The following GLYR1 variants were observed in gnomAD, a reference collection of about 807,000 sequenced individuals.
GLYR1 encodes the protein glyoxylate reductase 1 homolog.
In GLYR1, 21 loss-of-function variants were observed where a neutral mutation model predicts 72.7. The observed-to-expected ratio is 0.29, with a 90% CI of 0.20 to 0.42. GLYR1 has a LOEUF of 0.42. Ranked by LOEUF, GLYR1 falls within the 10% of genes least tolerant of loss-of-function variation. The pLI, the probability that GLYR1 is intolerant of heterozygous loss-of-function variation, is 1.00. For missense variants in GLYR1, 594 were observed against 712.1 expected (o/e 0.83, Z 1.89); for synonymous variants, 392 against 270.2 (o/e 1.45, Z -4.42).
At chr16:4,808,033 C>T (rs928250897) in intron 15 of GLYR1, among the ~76,000 whole-genome samples, 9 of 151,656 alleles carry the variant, frequency 5.9e-5, no homozygotes, top group South Asian at 2.1e-4. Flanking sequence ...GCCAGGAGTT[C>T]GAGTCCAGCC....
chr16:4,806,125 G>C (rs1336715596), intron 15 of GLYR1, among the ~76,000 whole-genome samples: 10 of 152,216 alleles, frequency 6.6e-5, no homozygotes, highest in Admixed American at 3.9e-4. Context: ...GGGGACATCT[G>C]GTAATATCTG....
At position 4,840,559 on chromosome 16, in the gene GLYR1, T is replaced by C. The variant is rs151036089; in HGVS notation, c.155+4515A>G. ...CACACACACACACACTCTCTCTCTC[T>C]CCCATAGGGAGAGTCTCCATCTCTC... On this transcript the variant is annotated intron_variant, in intron 3 of 15. Coordinates refer to ENST00000321919, the MANE Select transcript of GLYR1 (RefSeq NM_032569.4). 3.6e-3 allele frequency among the ~76,000 whole-genome samples: 546 copies of C among 152,124 alleles called. 2 individuals carry two copies. Among genetic ancestry groups the C allele is most frequent in the Non-Finnish European group, 5.0e-3 (337 of 67,984 alleles).
chr16:4,810,699 TAAAAAAAAAAAAAAAAA>T (rs551202037), intron 15 of GLYR1, among the ~76,000 whole-genome samples: 3 of 21,820 alleles, frequency 1.4e-4, no homozygotes, highest in African/African-American at 5.1e-4. Context: ...CTGTCTCTAC[TAAAAAAAAAAAAAAAAA>T]AAAAAAAAAA....
intron 1 of GLYR1, 74 bp from the exon 2 acceptor site, chr16:4,846,284 A>G: frequency 1.3e-6 from 2 of 1,499,832 alleles, no homozygotes; most frequent in South Asian, 1.1e-5. Context: ...TCAATACGCA[A>G]TTTATTTTCC....
chr16:4,827,165 G>A (rs1391679171), intron 5 of GLYR1, among the ~76,000 whole-genome samples: 2 of 152,254 alleles, frequency 1.3e-5, no homozygotes, highest in Admixed American at 1.3e-4. Context: ...TCACGGGGCA[G>A]GAGATTATGT....
intron 3 of GLYR1, chr16:4,840,465 A>G (rs2085465382): frequency 6.6e-6 from 1 of 152,170 alleles, no homozygotes; most frequent in Non-Finnish European, 1.5e-5. Flanking sequence ...CCTTTTTGGT[A>G]AAAAGAGCAA....
At chr16:4,816,310 C>T (rs2083639364) in intron 10 of GLYR1, among the ~76,000 whole-genome samples, 1 of 151,936 alleles carries the variant, frequency 6.6e-6, no homozygotes. Flanking sequence ...CCTCACTCAG[C>T]TAATATTTTA....
intron 5 of GLYR1, 83 bp downstream of exon 5, chr16:4,831,896 T>C (rs1440647678): frequency 1.3e-6 from 2 of 1,524,586 alleles, no homozygotes; most frequent in Admixed American, 4.2e-5. Flanking sequence ...ATAAGCATAC[T>C]ACATAAGCAT....
At chr16:4,811,471 C>A in intron 14 of GLYR1, 152 bp downstream of exon 14, 1 of 1,241,846 alleles carries the variant, frequency 8.1e-7, no homozygotes, top group Non-Finnish European at 1.1e-6. Flanking sequence ...AGCCTATATC[C>A]CCAAATCCCG....
At position 4,822,872 on chromosome 16, in the gene GLYR1, C is replaced by A; in HGVS notation, c.681+3G>T. On this transcript the variant is annotated splice_donor_region_variant and intron_variant, in intron 7 of 15. Transcript: ENST00000321919. Reference sequence around the variant, plus strand: ...AGGGCCAAGAGCCTCAAAGGCAACTCACCTTCTCTGTTTGGCTTAGCAGGA... The same window carrying A: ...AGGGCCAAGAGCCTCAAAGGCAACTAACCTTCTCTGTTTGGCTTAGCAGGA... 2.5e-6 allele frequency: 4 copies of A among 1,613,910 alleles called. No individual in the cohort carries two copies. Among genetic ancestry groups the A allele is most frequent in the Non-Finnish European group, 3.4e-6 (4 of 1,179,746 alleles).
chr16:4,830,164 C>T (rs1046735153), intron 5 of GLYR1, among the ~76,000 whole-genome samples: 4 of 151,184 alleles, frequency 2.6e-5, no homozygotes, highest in African/African-American at 9.7e-5. Flanking sequence ...CTGCTCACCT[C>T]AGCCTCCGAA....
intron 5 of GLYR1, among the ~76,000 whole-genome samples, chr16:4,829,834 G>A (rs1011918703): frequency 6.6e-6 from 1 of 151,984 alleles, no homozygotes; most frequent in Non-Finnish European, 1.5e-5. Flanking sequence ...CACCACACTC[G>A]GGTAATTTTT....
intron 15 of GLYR1, among the ~76,000 whole-genome samples, chr16:4,810,900 T>C (rs1236612569): frequency 2.7e-5 from 4 of 149,878 alleles, no homozygotes; most frequent in Non-Finnish European, 4.5e-5. Flanking sequence ...AGGTCAGGAG[T>C]TCGAGACCAG....
At chr16:4,814,460 A>G (rs1398765978) in intron 11 of GLYR1, 77 bp downstream of exon 11, 2 of 1,033,792 alleles carry the variant, frequency 1.9e-6, no homozygotes, top group African/African-American at 3.1e-5. Context: ...CTTGGTGTGC[A>G]GGGGAGGAGG....
chr16:4,820,912 A>T (rs145330473), intron 9 of GLYR1, among the ~76,000 whole-genome samples: 2 of 152,328 alleles, frequency 1.3e-5, no homozygotes, highest in African/African-American at 2.4e-5. Context: ...AAGCACTTTC[A>T]TCTCCCTTCC....
chr16:4,828,793 C>T (rs1425690838), intron 5 of GLYR1, among the ~76,000 whole-genome samples: 1 of 152,072 alleles, frequency 6.6e-6, no homozygotes, highest in Non-Finnish European at 1.5e-5. Context: ...GAAACTGGGG[C>T]AAAGGTGCTT....
intron 5 of GLYR1, among the ~76,000 whole-genome samples, chr16:4,824,916 T>C (rs2141996023): frequency 6.6e-6 from 1 of 152,316 alleles, no homozygotes; most frequent in East Asian, 1.9e-4. Context: ...AGAAAACGCC[T>C]GCTCCATTCT....
chr16:4,804,997 G>C lies in GLYR1; in HGVS notation c.*239C>G. The C allele has an allele frequency of 1.7e-6, 1 of 574,870 alleles. No homozygotes were observed. The highest frequency in any genetic ancestry group is 1.9e-5 in the African/African-American group (1 of 53,176). The allele number at this position is 574,870 out of a possible 1,614,324, so 35.6% of individuals were successfully genotyped here. On this transcript the variant is annotated 3_prime_UTR_variant, in exon 16 of 16. Transcript: ENST00000321919. ...AACACACAGCCACCTCGTCCGGGGG[G>C]CCAGTGCCCAGCTCAAGAGCTTTCC...
chr16:4,823,481 G>C (rs946019840), intron 6 of GLYR1, among the ~76,000 whole-genome samples: 2 of 152,096 alleles, frequency 1.3e-5, no homozygotes, highest in Admixed American at 6.6e-5. Flanking sequence ...TGGACAATAA[G>C]AGGGTGTTTA....
Sources: allele counts gnomAD v4.1 joint callset (sites outside exome capture counted in the v4.1 genomes callset), GRCh38; gene constraint gnomAD v4.1.1; transcripts MANE v1.5; gene names NCBI Gene and HGNC (gene_info 2026-07-23, HGNC 2026-07-21).